Variants in WDFY3 observed in about 807,000 individuals in gnomAD.
WDFY3 encodes WD repeat and FYVE domain containing 3, also known as WD repeat and FYVE domain-containing protein 3.
In WDFY3, 66 loss-of-function variants were observed where a neutral mutation model predicts 409.6. That is an observed-to-expected ratio of 0.16 (90% CI 0.13 to 0.20). The LOEUF (loss-of-function observed/expected upper bound fraction) is 0.20. Ranked by LOEUF, WDFY3 falls within the 10% of genes least tolerant of loss-of-function variation. WDFY3 has a pLI of 1.00. For synonymous variants in WDFY3, 1,521 were observed against 1,537.1 expected (o/e 0.99, Z 0.25); for missense variants, 3,031 against 4,298.1 (o/e 0.71, Z 8.24).
intron 3 of WDFY3, among the ~76,000 whole-genome samples, chr4:84,892,045 T>C (rs1765030929): frequency 6.7e-6 from 1 of 150,326 alleles, no homozygotes; most frequent in Non-Finnish European, 1.5e-5. Flanking sequence ...TTTTTTTGCA[T>C]GCAATCCCTA....
chr4:84,725,390 A>G (rs1424618318), intron 45 of WDFY3, among the ~76,000 whole-genome samples: 1 of 152,220 alleles, frequency 6.6e-6, no homozygotes, highest in Non-Finnish European at 1.5e-5. Context: ...GATGTTTTAG[A>G]ACATGATACA....
intron 3 of WDFY3, among the ~76,000 whole-genome samples, chr4:84,881,473 C>G (rs936196967): frequency 6.6e-6 from 1 of 152,056 alleles, no homozygotes; most frequent in African/African-American, 2.4e-5. Context: ...TTCTCTTTTC[C>G]TCAGCCTGTC....
intron 22 of WDFY3, among the ~76,000 whole-genome samples, chr4:84,788,010 T>C (rs114658299): frequency 1.3e-5 from 2 of 152,232 alleles, no homozygotes; most frequent in Non-Finnish European, 2.9e-5. Context: ...ATCAAGTTAA[T>C]GACGCTTCTC....
chr4:84,951,264 T>C (rs1773575157), intron 1 of WDFY3, among the ~76,000 whole-genome samples: 1 of 152,246 alleles, frequency 6.6e-6, no homozygotes, highest in South Asian at 2.1e-4. Context: ...TTTCTTCGTT[T>C]GTTTTTATCA....
At chr4:84,823,873 A>T (rs547302897) in intron 10 of WDFY3, among the ~76,000 whole-genome samples, 1 of 152,200 alleles carries the variant, frequency 6.6e-6, no homozygotes, top group Admixed American at 6.5e-5. Context: ...AGTTTCTTGT[A>T]AAGTTAAACA....
intron 39 of WDFY3, chr4:84,739,422 C>T (rs1738015037): frequency 3.4e-6 from 1 of 293,234 alleles, no homozygotes; most frequent in Non-Finnish European, 6.6e-6. Flanking sequence ...CAACTAAGAA[C>T]ATTTTTCTAA....
chr4:84,772,991 A>C, intron 29 of WDFY3, 62 bp from the exon 30 acceptor site: 1 of 1,291,212 alleles, frequency 7.7e-7, no homozygotes, highest in Non-Finnish European at 1.1e-6. Flanking sequence ...ACAAACAACA[A>C]AGTACAAAGA....
intron 56 of WDFY3, among the ~76,000 whole-genome samples, chr4:84,699,603 T>C (rs1045696168): frequency 1.3e-5 from 2 of 152,150 alleles, no homozygotes; most frequent in African/African-American, 4.8e-5. Flanking sequence ...GGTAATTCTG[T>C]TTAACTTTTT....
chr4:84,786,124 G>T lies in WDFY3; in HGVS notation c.3917C>A (p.Ser1306Tyr). 1 of 1,597,956 alleles carries T rather than the reference G, an allele frequency of 6.3e-7. No homozygotes were observed. Among genetic ancestry groups the T allele is most frequent in the Non-Finnish European group, 8.5e-7 (1 of 1,173,846 alleles). The change falls in exon 24 of 68, where the codon TCC (serine) becomes TAC (tyrosine). Residue 1306 changes from serine (S) to tyrosine (Y), a missense_variant. Around this residue, in one of 16 missense-constraint regions of WDFY3, gnomAD observed 1,322 missense variants for 1,697.9 expected, o/e 0.78. Coordinates refer to ENST00000295888, the MANE Select transcript of WDFY3 (RefSeq NM_014991.6). ...CACAGGGGATGGCACCACCCCTTCG[G>T]ATTTTGCATCTTTACCTTCAAAAGA... ...AVCMPCKDAK[S>Y]EGVVPSPVSL...
chr4:84,965,132 T>C (rs1021686109), intron 1 of WDFY3, among the ~76,000 whole-genome samples: 1 of 152,210 alleles, frequency 6.6e-6, no homozygotes, highest in South Asian at 2.1e-4. Context: ...TTTAGTTCTG[T>C]TTTATGTTAT....
At chr4:84,892,472 T>C (rs575768886) in intron 3 of WDFY3, among the ~76,000 whole-genome samples, 62 of 152,142 alleles carry the variant, frequency 4.1e-4, no homozygotes, top group Admixed American at 8.5e-4. Flanking sequence ...ATATCAAATA[T>C]CCAATGTTCA....
chr4:84,819,460 C>A (rs927313766), intron 12 of WDFY3, among the ~76,000 whole-genome samples: 1 of 151,956 alleles, frequency 6.6e-6, no homozygotes, highest in African/African-American at 2.4e-5. Flanking sequence ...ACTCATTATT[C>A]CTCTCAAGTT....
intron 1 of WDFY3, among the ~76,000 whole-genome samples, chr4:84,963,454 A>G (rs1281871099): frequency 6.6e-6 from 1 of 152,002 alleles, no homozygotes; most frequent in Admixed American, 6.6e-5. Context: ...GTCAAGAAAA[A>G]AAAAAGAAGA....
chr4:84,865,047 C>G (rs185115404), intron 3 of WDFY3, among the ~76,000 whole-genome samples: 1 of 152,102 alleles, frequency 6.6e-6, no homozygotes, highest in East Asian at 1.9e-4. Flanking sequence ...CACCACCATG[C>G]CTGTCTAATT....
chr4:84,767,950 G>C (rs1255522070), intron 30 of WDFY3, among the ~76,000 whole-genome samples: 5 of 152,144 alleles, frequency 3.3e-5, no homozygotes, highest in African/African-American at 1.2e-4. Context: ...GGGTGTGTTA[G>C]CACACACCTA....
intron 2 of WDFY3, among the ~76,000 whole-genome samples, chr4:84,897,301 T>C (rs187988256): frequency 3.9e-5 from 6 of 152,320 alleles, no homozygotes; most frequent in Admixed American, 1.3e-4. Context: ...TAAAATCATA[T>C]GGTATGGAGG....
intron 45 of WDFY3, among the ~76,000 whole-genome samples, chr4:84,725,700 G>A (rs997407137): frequency 2.0e-5 from 3 of 151,924 alleles, no homozygotes; most frequent in South Asian, 4.2e-4. Context: ...TTTACTACCC[G>A]TCTACTCTTC....
intron 12 of WDFY3, among the ~76,000 whole-genome samples, chr4:84,818,312 G>T (rs1395803572): frequency 6.6e-6 from 1 of 151,858 alleles, no homozygotes; most frequent in Non-Finnish European, 1.5e-5. Flanking sequence ...TAAAAAAATG[G>T]GCCCAGTGAC....
In WDFY3 at chr4:84,856,094, A is replaced by T. The variant is rs567540502; in HGVS notation, c.180+4318T>A. Among the ~76,000 whole-genome samples the T allele has an allele frequency of 2.6e-3, 391 of 152,310 alleles. 3 individuals are homozygous for T. The highest frequency in any genetic ancestry group is 4.3e-3 in the Non-Finnish European group (294 of 68,030). Reference sequence around the variant, plus strand: ...GTATTGGTATTATGTAATAAGTAATAAAGCTGCCACAAAATAATTCACCTG... The same window carrying T: ...GTATTGGTATTATGTAATAAGTAATTAAGCTGCCACAAAATAATTCACCTG... On this transcript the variant is annotated intron_variant, in intron 4 of 67. Coordinates refer to ENST00000295888, the MANE Select transcript of WDFY3 (RefSeq NM_014991.6).
Sources: gnomAD v4.1 joint callset for allele counts (sites outside exome capture counted in the v4.1 genomes callset) on GRCh38, gnomAD v4.1.1 for gene constraint, gnomAD v4.1.1 regional missense constraint, MANE v1.5 for transcripts, NCBI Gene and HGNC (gene_info 2026-07-23, HGNC 2026-07-21) for gene names.